Variants in DOCK2 observed in about 807,000 individuals in gnomAD.
The protein encoded by DOCK2 is dedicator of cytokinesis 2, also known as dedicator of cytokinesis protein 2.
A neutral mutation model predicts 248.9 loss-of-function variants in DOCK2; 87 were observed. That is an observed-to-expected ratio of 0.35 (90% CI 0.29 to 0.42). DOCK2 has a LOEUF of 0.42. Ranked by LOEUF, DOCK2 falls within the 10% of genes least tolerant of loss-of-function variation. The probability of loss-of-function intolerance (pLI) is 1.00; values close to 1 mark genes in which losing one functional copy is unlikely to be tolerated. For synonymous variants in DOCK2, 805 were observed against 821.6 expected, an observed-to-expected ratio of 0.98 and a Z score of 0.35; for missense variants, 1,747 against 2,300.2, an observed-to-expected ratio of 0.76 and a Z score of 4.92.
chr5:169,969,979 G>T (rs1283095725), intron 27 of DOCK2, among the ~76,000 whole-genome samples: 5 of 152,188 alleles, frequency 3.3e-5, no homozygotes, highest in Non-Finnish European at 5.9e-5. Context: ...ACATGATGCT[G>T]GTCAAACCAA....
At position 169,764,844 on chromosome 5, in the gene DOCK2, T is replaced by TTTGTTGTTGTTG. The variant is rs10636919; in HGVS notation, c.2554+3237_2554+3248dup. 4.9e-3 allele frequency among the ~76,000 whole-genome samples: 741 copies of TTTGTTGTTGTTG among 151,064 alleles called. 6 individuals are homozygous for TTTGTTGTTGTTG. Among genetic ancestry groups the TTTGTTGTTGTTG allele is most frequent in the African/African-American group, 0.015 (621 of 40,946 alleles). On this transcript the variant is annotated intron_variant, in intron 25 of 51. Coordinates refer to ENST00000520908, the MANE Select transcript of DOCK2 (RefSeq NM_004946.3). The surrounding 1 kb of genome is among the most constrained non-coding windows in gnomAD (Gnocchi z 4.3). Reference sequence around the variant, plus strand: ...GCTCTCCATTCTGACTTTGAACGTGTTTGTTGTTGTTGTTGTTGTTGTTGT... The same window carrying TTTGTTGTTGTTG: ...GCTCTCCATTCTGACTTTGAACGTGTTTGTTGTTGTTGTTGTTGTTGTTGTTGTTGTTGTTGT...
chr5:169,917,948 C>G (rs1774964758), intron 27 of DOCK2, among the ~76,000 whole-genome samples: 1 of 152,182 alleles, frequency 6.6e-6, no homozygotes. Context: ...TACAAACTAT[C>G]AAAACCAGGA....
intron 27 of DOCK2, among the ~76,000 whole-genome samples, chr5:169,912,687 G>T (rs1203072097): frequency 1.3e-5 from 2 of 152,074 alleles, no homozygotes; most frequent in East Asian, 1.9e-4. Context: ...TACCCATAAT[G>T]TATGAAGGTA....
At chr5:169,673,742 A>G (rs1472367483) in intron 5 of DOCK2, among the ~76,000 whole-genome samples, 4 of 152,202 alleles carry the variant, frequency 2.6e-5, no homozygotes, top group African/African-American at 9.7e-5. Context: ...GAGGTGTTAG[A>G]GACATATTAC....
chr5:169,726,604 T>C (rs1762485818), intron 22 of DOCK2, among the ~76,000 whole-genome samples: 1 of 152,262 alleles, frequency 6.6e-6, no homozygotes, highest in Non-Finnish European at 1.5e-5. Flanking sequence ...TAGTTCTCTG[T>C]TCCCTTTGCC....
At chr5:169,797,220 A>C (rs933662435) in intron 25 of DOCK2, among the ~76,000 whole-genome samples, 3 of 152,176 alleles carry the variant, frequency 2.0e-5, no homozygotes, top group African/African-American at 4.8e-5. Context: ...ACTTGTGGGG[A>C]AGAGGGTCAA....
intron 4 of DOCK2, among the ~76,000 whole-genome samples, chr5:169,670,844 G>C (rs1439379884): frequency 6.6e-6 from 1 of 152,170 alleles, no homozygotes; most frequent in Non-Finnish European, 1.5e-5. Flanking sequence ...AGCTACCTTA[G>C]AACTGTATTA....
At chr5:169,791,131 C>T (rs1371759255) in intron 25 of DOCK2, among the ~76,000 whole-genome samples, 4 of 152,178 alleles carry the variant, frequency 2.6e-5, no homozygotes, top group Non-Finnish European at 5.9e-5. Flanking sequence ...CTTCAGCAAA[C>T]ACTCACTCAT....
chr5:169,712,436 T>C (rs1194744289), intron 17 of DOCK2, among the ~76,000 whole-genome samples: 1 of 152,202 alleles, frequency 6.6e-6, no homozygotes, highest in Non-Finnish European at 1.5e-5. Context: ...TATGAGACAG[T>C]GGATGTAAAC....
intron 27 of DOCK2, among the ~76,000 whole-genome samples, chr5:169,903,866 G>A (rs923348656): frequency 6.6e-6 from 1 of 151,934 alleles, no homozygotes; most frequent in African/African-American, 2.4e-5. Context: ...TTGGGAGGCC[G>A]AGGCAGGTGA....
intron 27 of DOCK2, among the ~76,000 whole-genome samples, chr5:169,894,255 A>T (rs1264189366): frequency 1.3e-5 from 2 of 152,198 alleles, no homozygotes; most frequent in Non-Finnish European, 2.9e-5. Flanking sequence ...GTGGTCTGGC[A>T]GGACCAAAAG....
intron 34 of DOCK2, among the ~76,000 whole-genome samples, chr5:170,030,388 C>T (rs1254864297): frequency 1.3e-5 from 2 of 152,202 alleles, no homozygotes; most frequent in African/African-American, 4.8e-5. Flanking sequence ...CATCCTTTCA[C>T]CTCTCTGAGT....
At chr5:169,823,945 G>A (rs1244738458) in intron 26 of DOCK2, among the ~76,000 whole-genome samples, 5 of 152,228 alleles carry the variant, frequency 3.3e-5, no homozygotes, top group East Asian at 1.9e-4. Context: ...AAATCAATGT[G>A]CAAAAATCAC....
intron 27 of DOCK2, among the ~76,000 whole-genome samples, chr5:169,928,387 C>T (rs1374565748): frequency 2.6e-5 from 4 of 152,244 alleles, no homozygotes; most frequent in African/African-American, 7.2e-5. Flanking sequence ...TCTGGGTTTG[C>T]ACTGCTCTGC....
chr5:170,035,241 G>A (rs563919193), intron 35 of DOCK2, among the ~76,000 whole-genome samples: 171 of 152,270 alleles, frequency 1.1e-3, no homozygotes, highest in African/African-American at 3.7e-3. Flanking sequence ...CATATTCACC[G>A]TGTCATCCCA....
intron 27 of DOCK2, among the ~76,000 whole-genome samples, chr5:169,871,100 G>A (rs1053381772): frequency 2.0e-5 from 3 of 152,240 alleles, no homozygotes; most frequent in African/African-American, 4.8e-5. Context: ...TCCCATTCAC[G>A]AGGACTCCAA....
chr5:170,023,139 A>G (rs1469434722), intron 33 of DOCK2, among the ~76,000 whole-genome samples: 1 of 152,058 alleles, frequency 6.6e-6, no homozygotes, highest in Admixed American at 6.6e-5. Flanking sequence ...CAGATTGTAG[A>G]ACAGGACTGT....
At chr5:169,810,554 A>T (rs1767674428) in intron 26 of DOCK2, among the ~76,000 whole-genome samples, 1 of 152,200 alleles carries the variant, frequency 6.6e-6, no homozygotes, top group Admixed American at 6.5e-5. Context: ...ATGATACAAA[A>T]AGGTGGGTTG....
At chr5:169,951,634 A>G (rs1450670899) in intron 27 of DOCK2, among the ~76,000 whole-genome samples, 9 of 152,234 alleles carry the variant, frequency 5.9e-5, no homozygotes, top group Non-Finnish European at 1.2e-4. Context: ...GATATTGAGA[A>G]TAGCATTATG....
Sources: allele counts gnomAD v4.1 joint callset (sites outside exome capture counted in the v4.1 genomes callset), GRCh38; gene constraint gnomAD v4.1.1; non-coding constraint Gnocchi (gnomAD v3.1); transcripts MANE v1.5; gene names NCBI Gene and HGNC (gene_info 2026-07-23, HGNC 2026-07-21).